PDE10A: variants seen among roughly 807,000 people sequenced by gnomAD.
The protein encoded by PDE10A is phosphodiesterase 10A, also known as cAMP and cAMP-inhibited cGMP 3',5'-cyclic phosphodiesterase 10A.
PDE10A carries 39 observed loss-of-function variants against 97.7 expected under a neutral mutation model. That is an observed-to-expected ratio of 0.40 (90% CI 0.31 to 0.52). The LOEUF (loss-of-function observed/expected upper bound fraction) is 0.52. Ranked by LOEUF, PDE10A falls within the 20% of genes least tolerant of loss-of-function variation. The pLI, the probability that PDE10A is intolerant of heterozygous loss-of-function variation, is 0.56. For missense variants in PDE10A, 731 were observed against 1,047.8 expected (o/e 0.70, Z 4.17); for synonymous variants, 371 against 376.8 (o/e 0.98, Z 0.18).
chr6:165,435,507 G>T, intron 5 of PDE10A, 130 bp from the exon 6 acceptor site: 1 of 730,036 alleles, frequency 1.4e-6, no homozygotes, highest in Non-Finnish European at 2.0e-6. Flanking sequence ...ATGAGGAAAG[G>T]TGCTTTGCCA....
intron 1 of PDE10A, among the ~76,000 whole-genome samples, chr6:165,750,275 G>A (rs1296334178): frequency 2.6e-5 from 4 of 152,164 alleles, no homozygotes; most frequent in Non-Finnish European, 5.9e-5. Context: ...GAGTTTCATA[G>A]GAAAATCAAA....
At chr6:165,556,333 C>A (rs79493445) in intron 1 of PDE10A, among the ~76,000 whole-genome samples, 1 of 152,030 alleles carries the variant, frequency 6.6e-6, no homozygotes, top group Non-Finnish European at 1.5e-5. Flanking sequence ...TGAATCAAAA[C>A]GGGTAAAAAC....
At chr6:165,855,975 T>C (rs1780721692) in intron 1 of PDE10A, among the ~76,000 whole-genome samples, 1 of 152,220 alleles carries the variant, frequency 6.6e-6, no homozygotes, top group Non-Finnish European at 1.5e-5. Flanking sequence ...TGGTGTCTTA[T>C]TCCACTAAAT....
intron 1 of PDE10A, among the ~76,000 whole-genome samples, chr6:165,687,182 C>T (rs1423937363): frequency 6.6e-6 from 1 of 152,256 alleles, no homozygotes; most frequent in Non-Finnish European, 1.5e-5. Flanking sequence ...GGAAGGGCCC[C>T]TCTGCCTGCG....
chr6:165,839,801 C>CATCTTCA (rs1780172290), intron 1 of PDE10A, among the ~76,000 whole-genome samples: 2 of 27,386 alleles, frequency 7.3e-5, no homozygotes, highest in African/African-American at 1.4e-4. Flanking sequence ...TCCCCATCCC[C>CATCTTCA]TTCTCCAGCT....
rs568358308 is a variant in PDE10A at position 165,403,692 on chromosome 6, A to C, written c.2077-7233T>G. Among the ~76,000 whole-genome samples the C allele has an allele frequency of 2.0e-5, 3 of 152,306 alleles. No homozygotes were observed. The South Asian group carries it at 6.2e-4, about 32-fold the overall frequency. On this transcript the variant is annotated intron_variant, in intron 13 of 21. Transcript: ENST00000539869. ...TTAGTCAAATTAAATTGATTCTCTA[A>C]GCAAGTCCTAAAATCAAATACATAC...
intron 1 of PDE10A, among the ~76,000 whole-genome samples, chr6:165,977,285 T>TA (rs1468250458): frequency 1.3e-5 from 2 of 152,190 alleles, no homozygotes; most frequent in Non-Finnish European, 2.9e-5. Context: ...GAGCTGAACT[T>TA]ACGGACTTTC....
chr6:165,392,600 A>C, intron 16 of PDE10A, 46 bp downstream of exon 16: 1 of 1,564,452 alleles, frequency 6.4e-7, no homozygotes, highest in Non-Finnish European at 8.8e-7. Context: ...CACAGTATTA[A>C]ATCCACTGAG....
chr6:165,922,355 C>A (rs565131197), intron 1 of PDE10A, among the ~76,000 whole-genome samples: 1 of 152,176 alleles, frequency 6.6e-6, no homozygotes, highest in African/African-American at 2.4e-5. Flanking sequence ...CAAAGCCAGA[C>A]CTTCCCCTGC....
At chr6:165,399,829 TG>T (rs1237612166) in intron 13 of PDE10A, among the ~76,000 whole-genome samples, 1 of 152,224 alleles carries the variant, frequency 6.6e-6, no homozygotes, top group African/African-American at 2.4e-5. Flanking sequence ...CTATCACTGT[TG>T]GACATGTGGC....
chr6:165,821,942 C>T (rs1487278588), intron 1 of PDE10A, among the ~76,000 whole-genome samples: 5 of 152,064 alleles, frequency 3.3e-5, no homozygotes, highest in African/African-American at 4.8e-5. Context: ...GGTTACATTC[C>T]TGTTCTGAAG....
intron 1 of PDE10A, among the ~76,000 whole-genome samples, chr6:165,885,363 C>G (rs1781600728): frequency 6.6e-6 from 1 of 152,112 alleles, no homozygotes; most frequent in African/African-American, 2.4e-5. Context: ...AAAGGAGAAG[C>G]GCCACACTTT....
intron 3 of PDE10A, among the ~76,000 whole-genome samples, chr6:165,451,894 T>C (rs1169976798): frequency 6.6e-6 from 1 of 152,202 alleles, no homozygotes; most frequent in African/African-American, 2.4e-5. Context: ...CTACTTGGGT[T>C]CAGTATGCTA....
chr6:165,842,578 G>A (rs546763704), intron 1 of PDE10A, among the ~76,000 whole-genome samples: 16 of 152,328 alleles, frequency 1.1e-4, no homozygotes, highest in Admixed American at 6.5e-4. Flanking sequence ...CCTCCTCCTC[G>A]AAGGGAGTAT....
At chr6:165,596,029 A>C (rs1283806909) in intron 1 of PDE10A, among the ~76,000 whole-genome samples, 1 of 152,226 alleles carries the variant, frequency 6.6e-6, no homozygotes, top group Non-Finnish European at 1.5e-5. Context: ...TATTCACAAG[A>C]TCTCAAAGTA....
In PDE10A at chr6:165,343,416, T is replaced by C; in HGVS notation, c.2870A>G (p.Asp957Gly). Reference sequence around the variant, plus strand: ...CTCAGCCCAGAATTCTGCATATATATCATTTGCCGTCAATTTTGTAACGGG... The same window carrying C: ...CTCAGCCCAGAATTCTGCATATATACCATTTGCCGTCAATTTTGTAACGGG... ...LWPVTKLTAN[D>G]IYAEFWAEGD... The change falls in exon 19 of 22, where the codon GAT (aspartate) becomes GGT (glycine). Residue 957 changes from aspartate (D) to glycine (G), a missense_variant. Physicochemically the swap from Asp to Gly is moderately conservative, Grantham distance 94. Around this residue, in one of 8 missense-constraint regions of PDE10A, gnomAD observed 96 missense variants for 156.7 expected, o/e 0.61. Coordinates refer to ENST00000539869, the MANE Select transcript of PDE10A (RefSeq NM_001385079.1). 3.7e-6 allele frequency: 6 copies of C among 1,613,566 alleles called. No individual in the cohort carries two copies. Among genetic ancestry groups the C allele is most frequent in the Non-Finnish European group, 5.1e-6 (6 of 1,179,534 alleles).
At chr6:165,719,239 A>T (rs1792103237) in intron 1 of PDE10A, among the ~76,000 whole-genome samples, 1 of 152,224 alleles carries the variant, frequency 6.6e-6, no homozygotes, top group Non-Finnish European at 1.5e-5. Flanking sequence ...CAGGAGTCTC[A>T]TGTTCAATGG....
chr6:165,681,428 G>T lies in PDE10A; in HGVS notation c.-614-137860C>A, dbSNP rs539922322. Among the ~76,000 whole-genome samples, 783 of 148,060 alleles carry T rather than the reference G, an allele frequency of 5.3e-3. 4 individuals carry two copies. The highest frequency in any genetic ancestry group is 0.019 in the African/African-American group (741 of 39,038). ...TGTGTGTGTGTGTGTGTGTGTGTGTGTCTGTGTGCATTTTCCCTTAAAGCA... is the reference window on the plus strand; with the variant it reads ...TGTGTGTGTGTGTGTGTGTGTGTGTTTCTGTGTGCATTTTCCCTTAAAGCA... On this transcript the variant is annotated intron_variant, in intron 1 of 19. Transcript: ENST00000366882.
intron 1 of PDE10A, among the ~76,000 whole-genome samples, chr6:165,731,574 C>T (rs1792438287): frequency 6.6e-6 from 1 of 152,154 alleles, no homozygotes; most frequent in South Asian, 2.1e-4. Flanking sequence ...TTGATTGATC[C>T]AGAAAATACT....
Sources: gnomAD v4.1 joint callset for allele counts (sites outside exome capture counted in the v4.1 genomes callset) on GRCh38, gnomAD v4.1.1 for gene constraint, gnomAD v4.1.1 regional missense constraint, MANE v1.5 for transcripts, NCBI Gene and HGNC (gene_info 2026-07-23, HGNC 2026-07-21) for gene names.